NUDCD3: variants seen among roughly 807,000 people sequenced by gnomAD.
NUDCD3 encodes the protein nudC domain-containing protein 3.
In NUDCD3, 13 loss-of-function variants were observed where a neutral mutation model predicts 39.7. That is an observed-to-expected ratio of 0.33 (90% CI 0.21 to 0.52). NUDCD3 has a LOEUF of 0.52. NUDCD3 is among the 20% of genes least tolerant of loss of function. The probability of loss-of-function intolerance (pLI) is 0.96; values close to 1 mark genes in which losing one functional copy is unlikely to be tolerated. For synonymous variants in NUDCD3, 175 were observed against 172.4 expected (o/e 1.02, Z -0.12); for missense variants, 453 against 458.1 (o/e 0.99, Z 0.10).
chr7:44,478,781 A>G lies in NUDCD3; in HGVS notation c.509+6187T>C, dbSNP rs78303263. ...CTATAAATGAAACCTGTACATTATTATGTATAAATAACAATGTATGCTGCA... is the reference window on the plus strand; with the variant it reads ...CTATAAATGAAACCTGTACATTATTGTGTATAAATAACAATGTATGCTGCA... On this transcript the variant is annotated intron_variant, in intron 2 of 5. Transcript: ENST00000355451. Among the ~76,000 whole-genome samples, 1,034 of 152,310 alleles carry G rather than the reference A, an allele frequency of 6.8e-3. 11 individuals are homozygous for G. The highest frequency in any genetic ancestry group is 0.023 in the African/African-American group (977 of 41,580).
intron 3 of NUDCD3, among the ~76,000 whole-genome samples, chr7:44,427,123 C>T (rs1354471283): frequency 9.2e-5 from 14 of 152,144 alleles, no homozygotes; most frequent in Non-Finnish European, 1.0e-4. Flanking sequence ...TATCACTGTG[C>T]GTTTAGTAGA....
chr7:44,445,160 G>A (rs964488309), intron 2 of NUDCD3, among the ~76,000 whole-genome samples: 1 of 152,122 alleles, frequency 6.6e-6, no homozygotes. Context: ...AGAACACAGT[G>A]CTATCTCTAT....
chr7:44,429,465 G>T (rs756519816), intron 2 of NUDCD3, among the ~76,000 whole-genome samples: 69 of 152,176 alleles, frequency 4.5e-4, no homozygotes, highest in Admixed American at 1.2e-3. Flanking sequence ...TGGAAGAGGA[G>T]AGGGAAGATC....
intron 3 of NUDCD3, among the ~76,000 whole-genome samples, chr7:44,427,063 G>C (rs1298111763): frequency 3.9e-5 from 6 of 152,180 alleles, no homozygotes; most frequent in Admixed American, 3.3e-4. Flanking sequence ...CCCTGGGCTG[G>C]CAAAGCCCAG....
At chr7:44,388,574 A>T (rs1798447330) in intron 5 of NUDCD3, among the ~76,000 whole-genome samples, 1 of 152,236 alleles carries the variant, frequency 6.6e-6, no homozygotes, top group African/African-American at 2.4e-5. Flanking sequence ...AGACACTGTC[A>T]TGCCCAGGAA....
In NUDCD3 at chr7:44,485,143, G is replaced by T. The variant is rs771651439; in HGVS notation, c.334C>A (p.Pro112Thr). ...AAAEKEPVPV[P>T]VQEIEIDSTT... is the part of the protein sequence containing the mutation. ...GAGTCAATCTCTATTTCCTGGACTG[G>T]AACTGGGACTGGCTCCTTCTCAGCT... The change falls in exon 2 of 6, where the codon CCA becomes ACA. Residue 112 changes from proline to threonine, a missense_variant. Transcript: ENST00000355451. 4.3e-6 allele frequency: 7 copies of T among 1,614,162 alleles called. No homozygotes were observed. The highest frequency in any genetic ancestry group is 5.1e-6 in the Non-Finnish European group (6 of 1,180,032).
intron 3 of NUDCD3, among the ~76,000 whole-genome samples, chr7:44,423,005 G>A (rs1228091796): frequency 6.6e-6 from 1 of 152,160 alleles, no homozygotes; most frequent in Non-Finnish European, 1.5e-5. Context: ...ATCAATAAAT[G>A]TAATCCATCA....
rs187117591 is a variant in NUDCD3 at position 44,423,539 on chromosome 7, G to A, written c.642+4032C>T. On this transcript the variant is annotated intron_variant, in intron 3 of 5. Transcript: ENST00000355451. ...CCAAGTCATGAGTGAACTCCCATCC[G>A]CAATTGCTACAAAGAAAATAAAATA... is the stretch of plus-strand genomic sequence containing the variant. Among the ~76,000 whole-genome samples the A allele has an allele frequency of 2.8e-4, 42 of 152,050 alleles. No homozygotes were observed. In the East Asian group the frequency reaches 3.5e-3, roughly 13 times the overall value.
At chr7:44,389,223 G>A (rs780860549) in intron 5 of NUDCD3, among the ~76,000 whole-genome samples, 3 of 152,160 alleles carry the variant, frequency 2.0e-5, no homozygotes, top group African/African-American at 4.8e-5. Context: ...GTGTAGTGCT[G>A]CCATCTTTCA....
At chr7:44,457,935 G>A (rs999712380) in intron 2 of NUDCD3, among the ~76,000 whole-genome samples, 1 of 152,046 alleles carries the variant, frequency 6.6e-6, no homozygotes, top group Non-Finnish European at 1.5e-5. Context: ...TTCCTCAAAA[G>A]GTTAAACATA....
At chr7:44,405,431 T>G (rs1798801368) in intron 3 of NUDCD3, among the ~76,000 whole-genome samples, 1 of 152,226 alleles carries the variant, frequency 6.6e-6, no homozygotes, top group Non-Finnish European at 1.5e-5. Context: ...AAGCAGGGTA[T>G]GCATACCCCA....
At chr7:44,434,824 C>T (rs772138805) in intron 2 of NUDCD3, among the ~76,000 whole-genome samples, 2 of 152,230 alleles carry the variant, frequency 1.3e-5, no homozygotes, top group Non-Finnish European at 2.9e-5. Flanking sequence ...CACTCAGCCT[C>T]TCTGTGCCTT....
intron 2 of NUDCD3, among the ~76,000 whole-genome samples, chr7:44,430,746 A>C (rs920460259): frequency 6.6e-6 from 1 of 152,210 alleles, no homozygotes; most frequent in Non-Finnish European, 1.5e-5. Flanking sequence ...CGCTGCCGCC[A>C]GCAACAGTGC....
At chr7:44,411,094 C>T (rs1481559131) in intron 3 of NUDCD3, among the ~76,000 whole-genome samples, 1 of 152,132 alleles carries the variant, frequency 6.6e-6, no homozygotes, top group Non-Finnish European at 1.5e-5. Context: ...TATTCACATG[C>T]AAAAGAATGA....
In NUDCD3 at chr7:44,385,429, G is replaced by A. The variant is rs1798384889; in HGVS notation, c.*582C>T. 6.5e-6 allele frequency: 1 copy of A among 153,088 alleles called. No individual in the cohort carries two copies. The allele number at this position is 153,088 out of a possible 1,614,324, so 9.5% of individuals were successfully genotyped here. The stretch of plus-strand genomic sequence containing the variant: ...CCAGTCTCCACTGCTCTGACCATGA[G>A]GCTGAGGCAGGCAAAGCACATTTAT... On this transcript the variant is annotated 3_prime_UTR_variant, in exon 6 of 6. Transcript: ENST00000355451.
chr7:44,392,590 A>C, intron 4 of NUDCD3, 105 bp from the exon 5 acceptor site: 4 of 945,404 alleles, frequency 4.2e-6, no homozygotes, highest in Non-Finnish European at 6.5e-6. Context: ...GGATAAGCTC[A>C]GGACCAACTA....
rs554459400 is a variant in NUDCD3, at chr7:44,420,711, AAGAATTTTAAACAC to A, written c.642+6846_642+6859del. ...GCCAATATTCAATATTCTTAAAGAA[AAGAATTTTAAACAC>A]AGAATTTCATATCCAGCCAAACTAA... On this transcript the variant is annotated intron_variant, in intron 3 of 5. Transcript: ENST00000355451. Among the ~76,000 whole-genome samples, 64 of 152,364 alleles carry A rather than the reference AAGAATTTTAAACAC, an allele frequency of 4.2e-4. No homozygotes were observed. In the South Asian group the frequency reaches 0.013, roughly 32 times the overall value.
intron 2 of NUDCD3, among the ~76,000 whole-genome samples, chr7:44,453,540 G>A (rs1799834390): frequency 6.6e-6 from 1 of 151,954 alleles, no homozygotes; most frequent in African/African-American, 2.4e-5. Context: ...CTATAACTCT[G>A]TACATCTAAC....
At chr7:44,439,829 A>C (rs1799541221) in intron 2 of NUDCD3, among the ~76,000 whole-genome samples, 1 of 152,166 alleles carries the variant, frequency 6.6e-6, no homozygotes, top group African/African-American at 2.4e-5. Flanking sequence ...AAAAATGTAG[A>C]AGGAATGAGG....
Sources: gnomAD v4.1 joint callset for allele counts (sites outside exome capture counted in the v4.1 genomes callset) on GRCh38, gnomAD v4.1.1 for gene constraint, MANE v1.5 for transcripts, NCBI Gene and HGNC (gene_info 2026-07-23, HGNC 2026-07-21) for gene names.